TBCC: variants seen among roughly 807,000 people sequenced by gnomAD.
The protein encoded by TBCC is tubulin folding cofactor C, also known as tubulin-specific chaperone C.
TBCC carries 25 observed loss-of-function variants against 25.3 expected under a neutral mutation model. The ratio of observed to expected loss-of-function variants is 0.99; its 90% CI spans 0.72 to 1.38. TBCC has a LOEUF of 1.38. TBCC is among the 40% of genes most tolerant of loss of function. TBCC has a pLI of 0.00. For synonymous variants in TBCC, 226 were observed against 192.8 expected (o/e 1.17, Z -1.43); for missense variants, 507 against 447.2 (o/e 1.13, Z -1.21).
Position 42,746,029 on chromosome 6 carries a change from G to C in TBCC, c.45C>G (p.Asp15Glu). The C allele has an allele frequency of 6.2e-7, 1 of 1,614,178 alleles. No homozygotes were observed. The highest frequency in any genetic ancestry group is 1.7e-5 in the Admixed American group (1 of 60,028). Reference sequence around the variant, plus strand: ...GGCTCAGGTCCCGCTGGGACTCCATGTCTCCGGTCCTGACAGCAGCAGCGG... The same window carrying C: ...GGCTCAGGTCCCGCTGGGACTCCATCTCTCCGGTCCTGACAGCAGCAGCGG... ...SCSAAAVRTG[D>E]MESQRDLSLV... Residue 15 changes from aspartate to glutamate, a missense_variant, in exon 1 of 1, where the codon GAC (aspartate) becomes GAG (glutamate). By Grantham distance (45) the Asp-to-Glu change is conservative (BLOSUM62 2). Coordinates refer to ENST00000372876, the MANE Select transcript of TBCC (RefSeq NM_003192.3).
At position 42,745,266 on chromosome 6, in the gene TBCC, G is replaced by T; in HGVS notation, c.808C>A (p.Arg270Ser). The T allele has an allele frequency of 1.2e-6, 2 of 1,614,230 alleles. No homozygotes were observed. The highest frequency in any genetic ancestry group is 1.3e-5 in the African/African-American group (1 of 75,044). The change falls in exon 1 of 1, where the codon CGC becomes AGC. Residue 270 changes from arginine (R) to serine (S), a missense_variant. Transcript: ENST00000372876. The surrounding 1 kb of genome is among the most constrained non-coding windows in gnomAD (Gnocchi z 4.2). ...QLRIHSTKDT[R>S]IFLQVTSRAI... ...CTGCTGGTCACCTGCAGGAAGATGCGGGTGTCTTTCGTACTGTGTATGCGG... is the reference window on the plus strand; with the variant it reads ...CTGCTGGTCACCTGCAGGAAGATGCTGGTGTCTTTCGTACTGTGTATGCGG...
chr6:42,745,861 C>T lies in TBCC; in HGVS notation c.213G>A (p.Val71=). The T allele has an allele frequency of 1.2e-6, 2 of 1,613,786 alleles. No individual in the cohort carries two copies. The highest frequency in any genetic ancestry group is 1.7e-6 in the Non-Finnish European group (2 of 1,180,040). Residue 71 remains valine, a synonymous_variant, in exon 1 of 1, where the codon GTG becomes GTA. Transcript: ENST00000372876. The surrounding 1 kb of genome is among the most constrained non-coding windows in gnomAD (Gnocchi z 4.2). ...VATFVRERAA[V]EELLERAESV... ...ACTCCGCGCGCTCCAGAAGCTCTTC[C>T]ACGGCCGCTCGCTCCCGAACAAAGG...
chr6:42,745,310 G>A lies in TBCC; in HGVS notation c.764C>T (p.Ala255Val), dbSNP rs548820457. Residue 255 changes from alanine to valine, a missense_variant, in exon 1 of 1, where the codon GCA becomes GTA. By Grantham distance (64) the Ala-to-Val change is moderately conservative (BLOSUM62 0). Transcript: ENST00000372876. The surrounding 1 kb of genome is among the most constrained non-coding windows in gnomAD (Gnocchi z 4.2). ...FLEDCSDCVL[A>V]VACQQLRIHS... is the part of the protein sequence containing the mutation. ...TATGCGGAGCTGTTGGCAGGCCACT[G>A]CCAGCACGCAGTCACTGCAGTCCTC... The A allele has an allele frequency of 6.2e-7, 1 of 1,614,236 alleles. No homozygotes were observed. The highest frequency in any genetic ancestry group is 1.1e-5 in the South Asian group (1 of 91,086).
chr6:42,745,277 G>A lies in TBCC; in HGVS notation c.797C>T (p.Thr266Met). 1 of 1,614,188 alleles carries A rather than the reference G, an allele frequency of 6.2e-7. No individual in the cohort carries two copies. The highest frequency in any genetic ancestry group is 1.1e-5 in the South Asian group (1 of 91,080). Residue 266 changes from threonine (T) to methionine (M), a missense_variant, in exon 1 of 1, where the codon ACG becomes ATG. Transcript: ENST00000372876. The surrounding 1 kb of genome is among the most constrained non-coding windows in gnomAD (Gnocchi z 4.2). ...VACQQLRIHSTKDTRIFLQVT... is the reference protein window; with the variant it reads ...VACQQLRIHSMKDTRIFLQVT... ...CTGCAGGAAGATGCGGGTGTCTTTC[G>A]TACTGTGTATGCGGAGCTGTTGGCA...
rs1046034118 is a variant in TBCC, at chr6:42,745,493, A to G, written c.581T>C (p.Leu194Ser). The change falls in exon 1 of 1, where the codon TTG becomes TCG. Residue 194 changes from leucine (L) to serine (S), a missense_variant. By Grantham distance (145) the Leu-to-Ser change is moderately radical. Transcript: ENST00000372876. The surrounding 1 kb of genome is among the most constrained non-coding windows in gnomAD (Gnocchi z 4.2). ...GTGCAACTCGCTGGCTCTCTTCTCC[A>G]AGACTTGGGACTCCAGGTTGGAGAA... ...CGFSNLESQVLEKRASELHQR... is the reference protein window; with the variant it reads ...CGFSNLESQVSEKRASELHQR... 1.2e-6 allele frequency: 2 copies of G among 1,612,134 alleles called. No individual in the cohort carries two copies. Among genetic ancestry groups the G allele is most frequent in the Non-Finnish European group, 1.7e-6 (2 of 1,179,220 alleles).
In TBCC at chr6:42,746,043, C is replaced by G. The variant is rs767496374; in HGVS notation, c.31G>C (p.Val11Leu). MESVSCSAAA[V>L]RTGDMESQRD... ...TGGGACTCCATGTCTCCGGTCCTGACAGCAGCAGCGGAGCAACTGACGGAC... is the reference window on the plus strand; with the variant it reads ...TGGGACTCCATGTCTCCGGTCCTGAGAGCAGCAGCGGAGCAACTGACGGAC... Residue 11 changes from valine to leucine, a missense_variant, in exon 1 of 1, where the codon GTC becomes CTC. Physicochemically the swap from Val to Leu is conservative, Grantham distance 32. Coordinates refer to ENST00000372876, the MANE Select transcript of TBCC (RefSeq NM_003192.3). 1.9e-6 allele frequency: 3 copies of G among 1,613,746 alleles called. No homozygotes were observed. Among genetic ancestry groups the G allele is most frequent in the Admixed American group, 1.7e-5 (1 of 60,004 alleles).
Position 42,745,826 on chromosome 6 carries a change from C to G in TBCC, c.248G>C (p.Arg83Pro). 6.2e-7 allele frequency: 1 copy of G among 1,613,214 alleles called. No homozygotes were observed. Among genetic ancestry groups the G allele is most frequent in the Non-Finnish European group, 8.5e-7 (1 of 1,180,028 alleles). ...ELLERAESVE[R>P]LEEAASRLQG... Reference sequence around the variant, plus strand: ...GAGCCGAGAGGCCGCCTCCTCCAGCCGCTCGACCGACTCCGCGCGCTCCAG... The same window carrying G: ...GAGCCGAGAGGCCGCCTCCTCCAGCGGCTCGACCGACTCCGCGCGCTCCAG... Residue 83 changes from arginine to proline, a missense_variant, in exon 1 of 1, where the codon CGG (arginine) becomes CCG (proline). Coordinates refer to ENST00000372876, the MANE Select transcript of TBCC (RefSeq NM_003192.3). This position sits in a 1 kb window ranked among gnomAD's most constrained non-coding sequence, Gnocchi z 4.2.
chr6:42,744,946 G>T lies in TBCC; in HGVS notation c.*87C>A. 1 of 1,259,982 alleles carries T rather than the reference G, an allele frequency of 7.9e-7. No individual in the cohort carries two copies. The highest frequency in any genetic ancestry group is 1.4e-5 in the South Asian group (1 of 72,302). The allele number at this position is 1,259,982 out of a possible 1,614,324, so 78.1% of individuals were successfully genotyped here. On this transcript the variant is annotated 3_prime_UTR_variant, in exon 1 of 1. Transcript: ENST00000372876. ...AAAATGCTGAAAACATACACAGTGT[G>T]ACAATAAGTAAACTTCGAGACCCAA...
Position 42,745,742 on chromosome 6 carries a change from C to T in TBCC, c.332G>A (p.Arg111Gln), listed in dbSNP as rs142954171. 5,048 of 1,613,910 alleles carry T rather than the reference C, an allele frequency of 3.1e-3. 7 individuals are homozygous for T. The highest frequency in any genetic ancestry group is 3.8e-3 in the Non-Finnish European group (4,502 of 1,179,976). ...CCGCGCCAGCGCCTCTTGTCCCTGC[C>T]GCAGGTCGTAAGCGGCTAGGAAAAA... ...SVFFLAAYDL[R>Q]QGQEALARLQ... The change falls in exon 1 of 1, where the codon CGG becomes CAG. Residue 111 changes from arginine to glutamine, a missense_variant. Arg to Gln is a conservative substitution (Grantham distance 43, BLOSUM62 1). Coordinates refer to ENST00000372876, the MANE Select transcript of TBCC (RefSeq NM_003192.3). The surrounding 1 kb of genome is among the most constrained non-coding windows in gnomAD (Gnocchi z 4.2).
chr6:42,745,840 C>A lies in TBCC; in HGVS notation c.234G>T (p.Ala78=). The change falls in exon 1 of 1, where the codon GCG becomes GCT. Residue 78 remains alanine (A), a synonymous_variant. Coordinates refer to ENST00000372876, the MANE Select transcript of TBCC (RefSeq NM_003192.3). The surrounding 1 kb of genome is among the most constrained non-coding windows in gnomAD (Gnocchi z 4.2). ...CCTCCTCCAGCCGCTCGACCGACTC[C>A]GCGCGCTCCAGAAGCTCTTCCACGG... is the stretch of plus-strand genomic sequence containing the variant. ...RAAVEELLER[A]ESVERLEEAA... is the part of the protein sequence containing the mutation. 6.2e-7 allele frequency: 1 copy of A among 1,613,426 alleles called. No homozygotes were observed. Among genetic ancestry groups the A allele is most frequent in the Non-Finnish European group, 8.5e-7 (1 of 1,180,032 alleles).
chr6:42,745,905 T>C lies in TBCC; in HGVS notation c.169A>G (p.Ser57Gly), dbSNP rs1406620359. The C allele has an allele frequency of 1.9e-6, 3 of 1,614,052 alleles. No individual in the cohort carries two copies. The highest frequency in any genetic ancestry group is 2.5e-6 in the Non-Finnish European group (3 of 1,180,052). The change falls in exon 1 of 1, where the codon AGC (serine) becomes GGC (glycine). Residue 57 changes from serine to glycine, a missense_variant. Transcript: ENST00000372876. The surrounding 1 kb of genome is among the most constrained non-coding windows in gnomAD (Gnocchi z 4.2). ...ACAAAGGTGGCGACGAAAAAGTGGC[T>C]GTTCTCCTTCTCTACCTCCTGGTTC... is the stretch of plus-strand genomic sequence containing the variant. The part of the protein sequence containing the change: ...RQNQEVEKEN[S>G]HFFVATFVRE...
In TBCC at chr6:42,745,056, C is replaced by G. The variant is rs150901240; in HGVS notation, c.1018G>C (p.Glu340Gln). The G allele has an allele frequency of 1.8e-4, 288 of 1,614,150 alleles. No individual in the cohort carries two copies. The Middle Eastern group carries it at 2.1e-3, about 12-fold the overall frequency. The change falls in exon 1 of 1, where the codon GAG (glutamate) becomes CAG (glutamine). Residue 340 changes from glutamate (E) to glutamine (Q), a missense_variant. Physicochemically the swap from Glu to Gln is conservative, Grantham distance 29. Transcript: ENST00000372876. The surrounding 1 kb of genome is among the most constrained non-coding windows in gnomAD (Gnocchi z 4.2). ...GCTTAGTCCCACTGGATATTTCGCT[C>G]CTCTTCAGGAAGAATACTCCAGTTT... ...SPNWSILPEE[E>Q]RNIQWD
At position 42,745,579 on chromosome 6, in the gene TBCC, T is replaced by A; in HGVS notation, c.495A>T (p.Ile165=). ...CCTTCTTGGGCAGCGGGGAGTCCTG[T>A]ATGCTTTCAACTGCCGGGGGGATGC... is the stretch of plus-strand genomic sequence containing the variant. ...APGIPPAVES[I]QDSPLPKKAE... The change falls in exon 1 of 1, where the codon ATA becomes ATT. Residue 165 remains isoleucine (I), a synonymous_variant. Coordinates refer to ENST00000372876, the MANE Select transcript of TBCC (RefSeq NM_003192.3). This position sits in a 1 kb window ranked among gnomAD's most constrained non-coding sequence, Gnocchi z 4.2. 1 of 1,612,514 alleles carries A rather than the reference T, an allele frequency of 6.2e-7. No individual in the cohort carries two copies. The highest frequency in any genetic ancestry group is 8.5e-7 in the Non-Finnish European group (1 of 1,179,224).
In TBCC at chr6:42,746,048, G is replaced by A; in HGVS notation, c.26C>T (p.Ala9Val). 1 of 1,613,534 alleles carries A rather than the reference G, an allele frequency of 6.2e-7. No homozygotes were observed. The highest frequency in any genetic ancestry group is 2.2e-5 in the East Asian group (1 of 44,852). MESVSCSA[A>V]AVRTGDMESQ... is the part of the protein sequence containing the mutation. ...CTCCATGTCTCCGGTCCTGACAGCA[G>A]CAGCGGAGCAACTGACGGACTCCAT... The change falls in exon 1 of 1, where the codon GCT becomes GTT. Residue 9 changes from alanine to valine, a missense_variant. Ala to Val is a moderately conservative substitution (Grantham distance 64, BLOSUM62 0). Coordinates refer to ENST00000372876, the MANE Select transcript of TBCC (RefSeq NM_003192.3).
Position 42,745,157 on chromosome 6 carries a change from G to C in TBCC, c.917C>G (p.Ser306Cys). 6.2e-7 allele frequency: 1 copy of C among 1,614,202 alleles called. No homozygotes were observed. ...GTTATTTTTGCTCCTATCTAAACCA[G>C]AGCTCTCGAAGTCCTTGTCGATCTC... ...YPEIDKDFESSGLDRSKNNWN... is the reference protein window; with the variant it reads ...YPEIDKDFESCGLDRSKNNWN... Residue 306 changes from serine to cysteine, a missense_variant, in exon 1 of 1, where the codon TCT (serine) becomes TGT (cysteine). Coordinates refer to ENST00000372876, the MANE Select transcript of TBCC (RefSeq NM_003192.3). This position sits in a 1 kb window ranked among gnomAD's most constrained non-coding sequence, Gnocchi z 4.2.
chr6:42,745,292 A>C lies in TBCC; in HGVS notation c.782T>G (p.Leu261Arg), dbSNP rs773454233. Residue 261 changes from leucine to arginine, a missense_variant, in exon 1 of 1, where the codon CTC becomes CGC. By Grantham distance (102) the Leu-to-Arg change is moderately radical (BLOSUM62 -2). Transcript: ENST00000372876. The surrounding 1 kb of genome is among the most constrained non-coding windows in gnomAD (Gnocchi z 4.2). ...DCVLAVACQQ[L>R]RIHSTKDTRI... is the part of the protein sequence containing the mutation. ...GGTGTCTTTCGTACTGTGTATGCGGAGCTGTTGGCAGGCCACTGCCAGCAC... is the reference window on the plus strand; with the variant it reads ...GGTGTCTTTCGTACTGTGTATGCGGCGCTGTTGGCAGGCCACTGCCAGCAC... The C allele has an allele frequency of 6.2e-7, 1 of 1,614,156 alleles. No homozygotes were observed. The highest frequency in any genetic ancestry group is 1.1e-5 in the South Asian group (1 of 91,076).
At position 42,745,640 on chromosome 6, in the gene TBCC, T is replaced by G; in HGVS notation, c.434A>C (p.Asp145Ala). Residue 145 changes from aspartate (D) to alanine (A), a missense_variant, in exon 1 of 1, where the codon GAT (aspartate) becomes GCT (alanine). Physicochemically the swap from Asp to Ala is moderately radical, Grantham distance 126. Coordinates refer to ENST00000372876, the MANE Select transcript of TBCC (RefSeq NM_003192.3). The surrounding 1 kb of genome is among the most constrained non-coding windows in gnomAD (Gnocchi z 4.2). ...GTCTACTTTGGTAGACGAAGCAGCA[T>G]CCTTTCCCCGGGTCTTGAAAGCGAA... ...KRFAFKTRGK[D>A]AASSTKVDAA... 2 of 1,612,666 alleles carry G rather than the reference T, an allele frequency of 1.2e-6. No homozygotes were observed. Among genetic ancestry groups the G allele is most frequent in the Non-Finnish European group, 1.7e-6 (2 of 1,179,356 alleles).
Position 42,745,508 on chromosome 6 carries a change from A to G in TBCC, c.566T>C (p.Leu189Pro), listed in dbSNP as rs961548023. 1 of 1,611,216 alleles carries G rather than the reference A, an allele frequency of 6.2e-7. No individual in the cohort carries two copies. Among genetic ancestry groups the G allele is most frequent in the Non-Finnish European group, 8.5e-7 (1 of 1,178,808 alleles). ...TCTCTTCTCCAAGACTTGGGACTCC[A>G]GGTTGGAGAAACCGCAGACCCAGCT... Reference protein sequence around the residue: ...GPSWVCGFSNLESQVLEKRAS... With the variant: ...GPSWVCGFSNPESQVLEKRAS... Residue 189 changes from leucine (L) to proline (P), a missense_variant, in exon 1 of 1, where the codon CTG becomes CCG. Transcript: ENST00000372876. The surrounding 1 kb of genome is among the most constrained non-coding windows in gnomAD (Gnocchi z 4.2).
Position 42,745,433 on chromosome 6 carries a change from C to CAGTT in TBCC, c.637_640dup (p.Cys214Ter). 6.2e-7 allele frequency: 1 copy of CAGTT among 1,614,194 alleles called. No homozygotes were observed. Among genetic ancestry groups the CAGTT allele is most frequent in the South Asian group, 1.1e-5 (1 of 91,078 alleles). On this transcript the variant is annotated stop_gained and frameshift_variant, in exon 1 of 1. Transcript: ENST00000372876. LOFTEE classifies it high-confidence loss of function. The surrounding 1 kb of genome is among the most constrained non-coding windows in gnomAD (Gnocchi z 4.2). ...GGGATTTCCATACAGTCTGACCGTGCAGTTGCTCAGTTCGGTCAAAAGAAC... is the reference window on the plus strand; with the variant it reads ...GGGATTTCCATACAGTCTGACCGTGCAGTTAGTTGCTCAGTTCGGTCAAAAGAAC...
Sources: allele counts gnomAD v4.1 joint callset, GRCh38; gene constraint gnomAD v4.1.1; non-coding constraint Gnocchi (gnomAD v3.1); transcripts MANE v1.5; gene names NCBI Gene and HGNC (gene_info 2026-07-23, HGNC 2026-07-21).